ACBD6: variants seen among roughly 807,000 people sequenced by gnomAD.
ACBD6 encodes acyl-CoA binding domain containing 6.
Under a neutral mutation model 37.2 loss-of-function variants are expected in ACBD6, and 28 were observed. The observed-to-expected ratio is 0.75, with a 90% CI of 0.56 to 1.03. The LOEUF (loss-of-function observed/expected upper bound fraction) is 1.03. Among genes scored for constraint, ACBD6 ranks in the 50% least tolerant of loss-of-function variants. ACBD6 has a pLI of 0.00. For missense variants in ACBD6, 340 were observed against 337.4 expected, an observed-to-expected ratio of 1.01 and a Z score of -0.06; for synonymous variants, 113 against 126.8, an observed-to-expected ratio of 0.89 and a Z score of 0.73.
chr1:180,409,935 A>T (rs966528965), intron 5 of ACBD6, among the ~76,000 whole-genome samples: 1 of 152,250 alleles, frequency 6.6e-6, no homozygotes, highest in South Asian at 2.1e-4. Flanking sequence ...CTCTTGTGCC[A>T]AACTGCCAAT....
chr1:180,335,443 T>A (rs1319700391), intron 6 of ACBD6, among the ~76,000 whole-genome samples: 1 of 152,002 alleles, frequency 6.6e-6, no homozygotes, highest in African/African-American at 2.4e-5. Context: ...ATAAAATCCT[T>A]TACAGACAAG....
rs371737276 is a variant in ACBD6 at position 180,481,044 on chromosome 1, A to C, written c.384+11225T>G. ...GACTCCGTCTCAAAAAAAAAAACAAAAAAAAAACAAGATTTTATATCAGAT... is the reference window on the plus strand; with the variant it reads ...GACTCCGTCTCAAAAAAAAAAACAACAAAAAAACAAGATTTTATATCAGAT... On this transcript the variant is annotated intron_variant, in intron 3 of 7. Transcript: ENST00000367595. Among the ~76,000 whole-genome samples the C allele has an allele frequency of 1.8e-4, 28 of 152,154 alleles. No homozygotes were observed. In the South Asian group the frequency reaches 5.6e-3, roughly 30 times the overall value.
At chr1:180,412,187 C>T (rs1250370100) in intron 5 of ACBD6, among the ~76,000 whole-genome samples, 1 of 151,500 alleles carries the variant, frequency 6.6e-6, no homozygotes, top group Non-Finnish European at 1.5e-5. Flanking sequence ...TTTTGTTTCA[C>T]TACTTAGTGA....
chr1:180,474,506 G>C (rs761619773), intron 3 of ACBD6, among the ~76,000 whole-genome samples: 86 of 152,008 alleles, frequency 5.7e-4, no homozygotes, highest in Non-Finnish European at 1.0e-3. Flanking sequence ...AATAATTCAG[G>C]TATCTAAGTT....
At chr1:180,381,378 T>G (rs1308635483) in intron 6 of ACBD6, among the ~76,000 whole-genome samples, 4 of 152,292 alleles carry the variant, frequency 2.6e-5, no homozygotes, top group East Asian at 3.9e-4. Context: ...TTAAGAGATA[T>G]TTACAGAACG....
intron 6 of ACBD6, among the ~76,000 whole-genome samples, chr1:180,393,890 C>T (rs1350992940): frequency 1.3e-5 from 2 of 152,206 alleles, no homozygotes. Context: ...TAAAAACCTA[C>T]ACGGAACTTT....
chr1:180,331,620 C>T (rs1651482598), intron 6 of ACBD6, among the ~76,000 whole-genome samples: 1 of 152,176 alleles, frequency 6.6e-6, no homozygotes, highest in South Asian at 2.1e-4. Flanking sequence ...TATTTTGCTA[C>T]ATCTGATTGT....
intron 3 of ACBD6, among the ~76,000 whole-genome samples, 155 bp from the exon 4 acceptor site, chr1:180,430,417 G>C (rs1188902820): frequency 6.6e-6 from 1 of 152,186 alleles, no homozygotes; most frequent in Non-Finnish European, 1.5e-5. Flanking sequence ...GGTGGTAACA[G>C]AAAGGCAATA....
At chr1:180,418,977 C>T (rs182940402) in intron 4 of ACBD6, among the ~76,000 whole-genome samples, 85 of 152,242 alleles carry the variant, frequency 5.6e-4, no homozygotes, top group Admixed American at 1.4e-3. Flanking sequence ...TGAGGCCGGG[C>T]GCGGTGGCTC....
At chr1:180,477,026 T>C (rs1650825747) in intron 3 of ACBD6, among the ~76,000 whole-genome samples, 1 of 152,160 alleles carries the variant, frequency 6.6e-6, no homozygotes, top group African/African-American at 2.4e-5. Context: ...CCATGGGGTA[T>C]GTATTCTAAG....
downstream of ACBD6, among the ~76,000 whole-genome samples, chr1:180,285,593 A>C (rs541343296): frequency 6.6e-6 from 1 of 152,220 alleles, no homozygotes; most frequent in African/African-American, 2.4e-5. Flanking sequence ...TTCATGTTCA[A>C]CTGAAGCATA....
At chr1:180,293,279 GTGTT>G (rs1649786319) in intron 7 of ACBD6, among the ~76,000 whole-genome samples, 1 of 146,138 alleles carries the variant, frequency 6.8e-6, no homozygotes, top group South Asian at 2.2e-4. Flanking sequence ...TTTTCTGGAA[GTGTT>G]TGTGTGTAGA....
chr1:180,481,218 C>T (rs1651030285), intron 3 of ACBD6, among the ~76,000 whole-genome samples: 1 of 150,018 alleles, frequency 6.7e-6, no homozygotes, highest in African/African-American at 2.4e-5. Flanking sequence ...ATGTTAATGG[C>T]TTGGCCCATG....
Position 180,399,735 on chromosome 1 carries a change from A to G in ACBD6, c.574-2130T>C, listed in dbSNP as rs978828980. Among the ~76,000 whole-genome samples the G allele has an allele frequency of 2.6e-5, 4 of 152,270 alleles. No individual in the cohort carries two copies. In the South Asian group the frequency reaches 8.3e-4, roughly 32 times the overall value. On this transcript the variant is annotated intron_variant, in intron 5 of 7. Transcript: ENST00000367595. ...ATGAACAATTAGATATTTTAATGAG[A>G]CTCTGAATAAATACTAATGAATAAA...
chr1:180,448,137 T>C (rs1335986354), intron 3 of ACBD6, among the ~76,000 whole-genome samples: 4 of 152,202 alleles, frequency 2.6e-5, no homozygotes, highest in Non-Finnish European at 5.9e-5. Flanking sequence ...GTGAAACAGG[T>C]ACTAATAAGC....
chr1:180,276,442 A>G (rs1378825217), intron 9 of ACBD6: 1 of 152,174 alleles, frequency 6.6e-6, no homozygotes, highest in Non-Finnish European at 1.5e-5. Context: ...GGTGTGCTGC[A>G]GTGGTCATGA....
intron 3 of ACBD6, among the ~76,000 whole-genome samples, chr1:180,491,264 T>C (rs1651494219): frequency 6.6e-6 from 1 of 152,178 alleles, no homozygotes; most frequent in Admixed American, 6.5e-5. Context: ...TTAATATTTT[T>C]ATTGAAAAAA....
intron 3 of ACBD6, among the ~76,000 whole-genome samples, chr1:180,462,568 C>A (rs1179921695): frequency 1.3e-5 from 2 of 152,168 alleles, no homozygotes; most frequent in African/African-American, 4.8e-5. Context: ...CAGGAGCACC[C>A]AGATTCATAA....
At chr1:180,437,010 T>C (rs1325225378) in intron 3 of ACBD6, among the ~76,000 whole-genome samples, 1 of 152,178 alleles carries the variant, frequency 6.6e-6, no homozygotes, top group Non-Finnish European at 1.5e-5. Flanking sequence ...GGATATAAAA[T>C]CAAGCTATAA....
Sources: gnomAD v4.1 joint callset for allele counts (sites outside exome capture counted in the v4.1 genomes callset) on GRCh38, gnomAD v4.1.1 for gene constraint, MANE v1.5 for transcripts, NCBI Gene and HGNC (gene_info 2026-07-23, HGNC 2026-07-21) for gene names.